EDNRB: variants seen among roughly 807,000 people sequenced by gnomAD.
The protein encoded by EDNRB is Hirschsprung disease 2.
In EDNRB, 18 loss-of-function variants were observed where a neutral mutation model predicts 46.4. The ratio of observed to expected loss-of-function variants is 0.39; its 90% CI spans 0.27 to 0.57. EDNRB has a LOEUF of 0.57. Ranked by LOEUF, EDNRB falls within the 20% of genes least tolerant of loss-of-function variation. The pLI is 0.61. For missense variants in EDNRB, 434 were observed against 537.5 expected (o/e 0.81, Z 1.90); for synonymous variants, 213 against 204.9 (o/e 1.04, Z -0.34).
At chr13:77,917,493 T>C (rs1465948466) in intron 1 of EDNRB, among the ~76,000 whole-genome samples, 1 of 152,216 alleles carries the variant, frequency 6.6e-6, no homozygotes, top group African/African-American at 2.4e-5. Context: ...TTCCCAAAGT[T>C]AGTGGGCATA....
At chr13:77,902,621 C>T (rs537146244) in intron 3 of EDNRB, among the ~76,000 whole-genome samples, 2 of 152,014 alleles carry the variant, frequency 1.3e-5, no homozygotes, top group South Asian at 2.1e-4. Context: ...AGCTCGTACC[C>T]CTGCTCTTTT....
chr13:77,921,112 G>T (rs1880074687), upstream of EDNRB, among the ~76,000 whole-genome samples: 1 of 152,144 alleles, frequency 6.6e-6, no homozygotes, highest in African/African-American at 2.4e-5. Flanking sequence ...ACATCTATGG[G>T]TCACTATTGA....
intron 1 of EDNRB, among the ~76,000 whole-genome samples, chr13:77,926,919 G>A (rs541762035): frequency 3.3e-5 from 5 of 152,314 alleles, no homozygotes; most frequent in Admixed American, 6.5e-5. Context: ...GAGAAAATGA[G>A]GAATATGCAA....
Position 77,960,481 on chromosome 13 carries a change from C to T in EDNRB, c.-52+14866G>A, listed in dbSNP as rs148558456. Among the ~76,000 whole-genome samples, 966 of 152,186 alleles carry T rather than the reference C, an allele frequency of 6.3e-3. 12 individuals carry two copies. The highest frequency in any genetic ancestry group is 0.021 in the African/African-American group (886 of 41,514). ...AGAAATAAAATCCTTTACAGACAAG[C>T]AAATTCGGAGAGATTTTGTCACACC... On this transcript the variant is annotated intron_variant, in intron 1 of 7. Coordinates refer to the EDNRB transcript ENST00000646948.
chr13:77,952,444 C>T (rs965964261), intron 1 of EDNRB, among the ~76,000 whole-genome samples: 1 of 152,112 alleles, frequency 6.6e-6, no homozygotes, highest in Non-Finnish European at 1.5e-5. Flanking sequence ...AGTTTGTTCC[C>T]TTAACTGCAA....
At position 77,898,326 on chromosome 13, in the gene EDNRB, T is replaced by G. The variant is rs1364508724; in HGVS notation, c.1203A>C (p.Leu401Phe). The G allele has an allele frequency of 6.2e-7, 1 of 1,611,786 alleles. No homozygotes were observed. The highest frequency in any genetic ancestry group is 8.5e-7 in the Non-Finnish European group (1 of 1,178,642). The change falls in exon 7 of 7, where the codon TTA becomes TTC. Residue 401 changes from leucine (L) to phenylalanine (F), a missense_variant. Leu to Phe is a conservative substitution (Grantham distance 22, BLOSUM62 0). Coordinates refer to ENST00000646607, the MANE Select transcript of EDNRB (RefSeq NM_001122659.3). ...CTTCAAATGACTGGCACCAGCAGCA[T>G]AAGCATGACTGTACAAAACAAAGTA... ...KRFKNCFKSCLCCWCQSFEEK... is the reference protein window; with the variant it reads ...KRFKNCFKSCFCCWCQSFEEK...
At chr13:77,951,502 A>G (rs1240141207) in intron 1 of EDNRB, among the ~76,000 whole-genome samples, 1 of 152,152 alleles carries the variant, frequency 6.6e-6, no homozygotes, top group Non-Finnish European at 1.5e-5. Flanking sequence ...ATGGACAGAA[A>G]TTGGGAGGGG....
At chr13:77,902,139 T>C (rs1879023648) in intron 3 of EDNRB, among the ~76,000 whole-genome samples, 2 of 151,980 alleles carry the variant, frequency 1.3e-5, no homozygotes, top group Non-Finnish European at 2.9e-5. Context: ...AGCTTTCTTT[T>C]TGGCATCAAA....
intron 1 of EDNRB, chr13:77,939,019 G>A (rs1314196541): frequency 6.6e-6 from 1 of 152,492 alleles, no homozygotes; most frequent in Non-Finnish European, 1.5e-5. Flanking sequence ...AACAGGGTTT[G>A]TGTGAGCAAT....
At position 77,897,894 on chromosome 13, in the gene EDNRB, T is replaced by C; in HGVS notation, c.*306A>G. 9.3e-7 allele frequency: 1 copy of C among 1,069,800 alleles called. No homozygotes were observed. The highest frequency in any genetic ancestry group is 7.4e-5 in the East Asian group (1 of 13,494). The allele number at this position is 1,069,800 out of a possible 1,614,324, so 66.3% of individuals were successfully genotyped here. A position where few individuals can be genotyped will look rare whatever the true frequency, so the allele number is the denominator to read the frequency against. The stretch of plus-strand genomic sequence containing the variant: ...AGAATAGAAATTCTGAGTGAGCTCA[T>C]TTTTAAGCCTAAGTGTTGTGTGAAT... On this transcript the variant is annotated 3_prime_UTR_variant, in exon 7 of 7. Transcript: ENST00000646607.
chr13:77,942,515 A>T (rs927164786), intron 1 of EDNRB, among the ~76,000 whole-genome samples: 1 of 152,132 alleles, frequency 6.6e-6, no homozygotes, highest in African/African-American at 2.4e-5. Context: ...TGCCAAACAG[A>T]CTTTTCATAA....
Position 77,901,089 on chromosome 13 carries a change from A to C in EDNRB, c.920T>G (p.Met307Arg). 1.9e-6 allele frequency: 3 copies of C among 1,611,330 alleles called. No homozygotes were observed. Among genetic ancestry groups the C allele is most frequent in the Non-Finnish European group, 2.5e-6 (3 of 1,178,416 alleles). The change falls in exon 4 of 7, where the codon ATG becomes AGG. Residue 307 changes from methionine to arginine, a missense_variant. Met to Arg is a moderately conservative substitution (Grantham distance 91). Coordinates refer to ENST00000646607, the MANE Select transcript of EDNRB (RefSeq NM_001122659.3). ...TCEMLRKKSG[M>R]QIALNDHLKQ... ...TAGGTGATCATTTAAAGCAATCTGC[A>C]TGCCACTTTTCTTTCTCAACATTTC...
At chr13:77,940,027 A>AAAT (rs1880698116) in intron 1 of EDNRB, 1 of 122,976 alleles carries the variant, frequency 8.1e-6, no homozygotes, top group Non-Finnish European at 1.9e-5. Flanking sequence ...AATAAATAAA[A>AAAT]TAAAAATAAA....
At chr13:77,919,837 C>G (rs1057109837), upstream of EDNRB, 3 of 529,084 alleles carry the variant, frequency 5.7e-6, no homozygotes, top group Non-Finnish European at 1.0e-5. Flanking sequence ...CCATGTGACA[C>G]CCGGCAGCTC....
At chr13:77,944,499 T>C (rs1880846324) in intron 1 of EDNRB, among the ~76,000 whole-genome samples, 1 of 152,050 alleles carries the variant, frequency 6.6e-6, no homozygotes, top group Non-Finnish European at 1.5e-5. Context: ...GCATCATGTA[T>C]AAGCTACAGC....
intron 5 of EDNRB, 92 bp downstream of exon 5, chr13:77,900,429 G>A: frequency 6.4e-7 from 1 of 1,568,576 alleles, no homozygotes; most frequent in Non-Finnish European, 8.7e-7. Flanking sequence ...TTAGAAAAAT[G>A]GTAGTCTGTC....
intron 6 of EDNRB, 188 bp downstream of exon 6, chr13:77,899,670 AT>A: frequency 1.8e-6 from 1 of 552,112 alleles, no homozygotes; most frequent in African/African-American, 1.9e-5. Context: ...GCTGACTAGG[AT>A]TTATAGGAAA....
At position 77,932,195 on chromosome 13, in the gene EDNRB, C is replaced by A. The variant is rs995607385; in HGVS notation, c.-51-13571G>T. Among the ~76,000 whole-genome samples the A allele has an allele frequency of 6.6e-5, 10 of 152,224 alleles. No homozygotes were observed. In the East Asian group the frequency reaches 1.5e-3, roughly 23 times the overall value. Reference sequence around the variant, plus strand: ...AGGGCACACATATGAGGGGGTGAAACCAGGACTGGGGACCAAAGATGCTGA... The same window carrying A: ...AGGGCACACATATGAGGGGGTGAAAACAGGACTGGGGACCAAAGATGCTGA... On this transcript the variant is annotated intron_variant, in intron 1 of 7. Transcript: ENST00000646948.
At chr13:77,972,862 C>G (rs1342265036) in intron 1 of EDNRB, among the ~76,000 whole-genome samples, 1 of 152,186 alleles carries the variant, frequency 6.6e-6, no homozygotes, top group Non-Finnish European at 1.5e-5. Context: ...GCCCACGACT[C>G]TGGAGGGGGT....
Sources: gnomAD v4.1 joint callset for allele counts (sites outside exome capture counted in the v4.1 genomes callset) on GRCh38, gnomAD v4.1.1 for gene constraint, MANE v1.5 for transcripts, NCBI Gene and HGNC (gene_info 2026-07-23, HGNC 2026-07-21) for gene names.